The following ADGRL2 variants were observed in gnomAD, a reference collection of about 807,000 sequenced individuals.
ADGRL2 encodes the protein calcium-independent alpha-latrotoxin receptor 2.
ADGRL2 carries 44 observed loss-of-function variants against 157.4 expected under a neutral mutation model. The observed-to-expected ratio is 0.28, with a 90% CI of 0.22 to 0.36. The LOEUF (loss-of-function observed/expected upper bound fraction) is 0.36, where lower values mean the gene tolerates loss of function less well. ADGRL2 is among the 10% of genes least tolerant of loss of function. The pLI, the probability that ADGRL2 is intolerant of heterozygous loss-of-function variation, is 1.00. For synonymous variants in ADGRL2, 585 were observed against 624.7 expected, an observed-to-expected ratio of 0.94 and a Z score of 0.95; for missense variants, 1,510 against 1,768.9, an observed-to-expected ratio of 0.85 and a Z score of 2.63.
At chr1:81,598,632 C>T (rs1344821499) in intron 3 of ADGRL2, among the ~76,000 whole-genome samples, 1 of 152,156 alleles carries the variant, frequency 6.6e-6, no homozygotes, top group Admixed American at 6.5e-5. Flanking sequence ...AGTGCCATAA[C>T]ACGTTTAAAG....
At chr1:81,846,824 C>T (rs2092809057) in intron 2 of ADGRL2, among the ~76,000 whole-genome samples, 1 of 151,866 alleles carries the variant, frequency 6.6e-6, no homozygotes, top group Non-Finnish European at 1.5e-5. Flanking sequence ...TTTAGTTACA[C>T]ATTACAATAG....
intron 1 of ADGRL2, among the ~76,000 whole-genome samples, chr1:81,420,326 T>G (rs1164643875): frequency 1.3e-5 from 2 of 152,238 alleles, no homozygotes; most frequent in Non-Finnish European, 2.9e-5. Context: ...AAGGCTTGTT[T>G]TTGTTTTAAG....
chr1:81,357,401 A>G (rs1480866656), intron 1 of ADGRL2, among the ~76,000 whole-genome samples: 1 of 152,106 alleles, frequency 6.6e-6, no homozygotes, highest in Non-Finnish European at 1.5e-5. Flanking sequence ...TATTCAGTTG[A>G]TTGCTTTGCT....
Position 81,956,121 on chromosome 1 carries a change from T to G in ADGRL2, c.2017+61T>G, listed in dbSNP as rs573140600. On this transcript the variant is annotated intron_variant, in intron 11 of 23. Coordinates refer to ENST00000686636, the MANE Select transcript of ADGRL2 (RefSeq NM_001366006.2). Reference sequence around the variant, plus strand: ...AGGATATTCATATGTAAGAGGATGATGTTTCCATTCTGTATCTGTTATTTC... The same window carrying G: ...AGGATATTCATATGTAAGAGGATGAGGTTTCCATTCTGTATCTGTTATTTC... 22 of 1,264,008 alleles carry G rather than the reference T, an allele frequency of 1.7e-5. No individual in the cohort carries two copies. The Admixed American group carries it at 4.2e-4, about 24-fold the overall frequency. The allele number at this position is 1,264,008 out of a possible 1,614,324, so 78.3% of individuals were successfully genotyped here. A position where few individuals can be genotyped will look rare whatever the true frequency, so the allele number is the denominator to read the frequency against.
chr1:81,906,312 T>C (rs2094583396), intron 2 of ADGRL2, among the ~76,000 whole-genome samples: 1 of 152,168 alleles, frequency 6.6e-6, no homozygotes, highest in Non-Finnish European at 1.5e-5. Flanking sequence ...CTTTTTAAAA[T>C]CATACCAGTA....
At chr1:81,975,415 G>A (rs554903040) in intron 17 of ADGRL2, among the ~76,000 whole-genome samples, 1 of 152,040 alleles carries the variant, frequency 6.6e-6, no homozygotes, top group Non-Finnish European at 1.5e-5. Flanking sequence ...AAAACAAAGA[G>A]CAAGAGGGTC....
intron 1 of ADGRL2, among the ~76,000 whole-genome samples, chr1:81,757,811 G>A (rs2085741785): frequency 1.3e-5 from 2 of 152,192 alleles, no homozygotes; most frequent in African/African-American, 4.8e-5. Flanking sequence ...CAGATAGCCA[G>A]TCTTTGAAAG....
intron 1 of ADGRL2, among the ~76,000 whole-genome samples, chr1:81,746,959 T>C (rs1174590388): frequency 7.1e-6 from 1 of 141,304 alleles, no homozygotes; most frequent in Non-Finnish European, 1.5e-5. Context: ...TGTATATACG[T>C]ATATACACAC....
At chr1:81,429,399 G>A (rs2077279124) in intron 1 of ADGRL2, among the ~76,000 whole-genome samples, 1 of 152,156 alleles carries the variant, frequency 6.6e-6, no homozygotes, top group South Asian at 2.1e-4. Context: ...TCTCTAATTA[G>A]CTAATTTGAG....
At chr1:81,628,029 T>G (rs2148739762) in intron 3 of ADGRL2, among the ~76,000 whole-genome samples, 1 of 152,292 alleles carries the variant, frequency 6.6e-6, no homozygotes, top group African/African-American at 2.4e-5. Flanking sequence ...CAGCATTTTT[T>G]GGAGCTGCTC....
intron 2 of ADGRL2, chr1:81,502,103 G>A: frequency 6.3e-7 from 1 of 1,596,394 alleles, no homozygotes; most frequent in Non-Finnish European, 8.5e-7. Context: ...TGATGAAGTT[G>A]CAGAGGTGGC....
At chr1:81,799,099 C>T (rs1397042892), upstream of ADGRL2, among the ~76,000 whole-genome samples, 2 of 152,094 alleles carry the variant, frequency 1.3e-5, no homozygotes, top group Admixed American at 6.6e-5. Flanking sequence ...ATAATTCTGC[C>T]TTCTTTTCAA....
chr1:81,474,033 C>T (rs368549389), intron 2 of ADGRL2, among the ~76,000 whole-genome samples: 8 of 152,072 alleles, frequency 5.3e-5, no homozygotes, highest in African/African-American at 1.9e-4. Context: ...AGAGGGAGAA[C>T]AAGGAGATAG....
intron 2 of ADGRL2, among the ~76,000 whole-genome samples, chr1:81,780,662 C>T (rs1450790703): frequency 1.3e-5 from 2 of 152,042 alleles, no homozygotes; most frequent in Non-Finnish European, 2.9e-5. Flanking sequence ...CCCTTTCTAC[C>T]TTATAGGGTT....
At chr1:81,868,698 C>A (rs1019859185) in intron 2 of ADGRL2, among the ~76,000 whole-genome samples, 1 of 152,142 alleles carries the variant, frequency 6.6e-6, no homozygotes, top group Non-Finnish European at 1.5e-5. Context: ...TTCTCCCCTA[C>A]AACATTCATA....
intron 2 of ADGRL2, among the ~76,000 whole-genome samples, chr1:81,468,900 G>A (rs1397542057): frequency 6.6e-6 from 1 of 152,154 alleles, no homozygotes; most frequent in Non-Finnish European, 1.5e-5. Flanking sequence ...TAAACTGTGA[G>A]GGAGCCTCAG....
At chr1:81,407,795 G>T (rs558920753) in intron 1 of ADGRL2, among the ~76,000 whole-genome samples, 3 of 152,282 alleles carry the variant, frequency 2.0e-5, no homozygotes, top group African/African-American at 7.2e-5. Context: ...ATGAAATAGG[G>T]GAAGGAGAAA....
At chr1:81,745,010 G>A (rs1003469000) in intron 1 of ADGRL2, among the ~76,000 whole-genome samples, 1 of 152,086 alleles carries the variant, frequency 6.6e-6, no homozygotes, top group Admixed American at 6.6e-5. Context: ...TCATCATTGA[G>A]GACTGAGTTG....
chr1:81,593,611 T>C (rs1010366898), intron 3 of ADGRL2, among the ~76,000 whole-genome samples: 1 of 152,226 alleles, frequency 6.6e-6, no homozygotes, highest in Non-Finnish European at 1.5e-5. Flanking sequence ...TAATTTGGGT[T>C]TTGGGCTCTA....
Sources: gnomAD v4.1 joint callset for allele counts (sites outside exome capture counted in the v4.1 genomes callset) on GRCh38, gnomAD v4.1.1 for gene constraint, MANE v1.5 for transcripts, NCBI Gene and HGNC (gene_info 2026-07-23, HGNC 2026-07-21) for gene names.